MYO18B: variants seen among roughly 807,000 people sequenced by gnomAD.
The protein encoded by MYO18B is myosin XVIIIB, also known as unconventional myosin-XVIIIb.
MYO18B carries 204 observed loss-of-function variants against 273.0 expected under a neutral mutation model. That is an observed-to-expected ratio of 0.75 (90% CI 0.67 to 0.84). MYO18B has a LOEUF of 0.84. Among genes scored for constraint, MYO18B ranks in the 40% least tolerant of loss-of-function variants. The pLI, the probability that MYO18B is intolerant of heterozygous loss-of-function variation, is 0.00. For synonymous variants in MYO18B, 1,330 were observed against 1,305.7 expected, an observed-to-expected ratio of 1.02 and a Z score of -0.40; for missense variants, 3,212 against 3,287.6, an observed-to-expected ratio of 0.98 and a Z score of 0.56.
intron 21 of MYO18B, among the ~76,000 whole-genome samples, chr22:25,856,320 A>G (rs1203858982): frequency 6.6e-6 from 1 of 152,218 alleles, no homozygotes; most frequent in East Asian, 1.9e-4. Context: ...TCATGTTCAC[A>G]CAGGAGTTGA....
the MYO18B span, among the ~76,000 whole-genome samples, chr22:26,061,469 A>G: frequency 3.3e-5 from 5 of 152,018 alleles, no homozygotes; most frequent in Non-Finnish European, 5.9e-5. Flanking sequence ...TGGAGCAGAC[A>G]GCTTCATTAG....
chr22:25,748,596 T>A (rs2085849618), intron 1 of MYO18B, among the ~76,000 whole-genome samples: 1 of 152,216 alleles, frequency 6.6e-6, no homozygotes, highest in Admixed American at 6.5e-5. Context: ...CAGGTTCTGA[T>A]GCTGAGGGGC....
intron 36 of MYO18B, among the ~76,000 whole-genome samples, chr22:25,949,532 G>A (rs188521320): frequency 1.3e-5 from 2 of 152,286 alleles, no homozygotes; most frequent in South Asian, 2.1e-4. Context: ...GAGGAGAGCC[G>A]GGGTAAAATA....
intron 11 of MYO18B, among the ~76,000 whole-genome samples, chr22:25,797,604 T>C (rs1601723979): frequency 6.6e-6 from 1 of 152,292 alleles, no homozygotes; most frequent in African/African-American, 2.4e-5. Flanking sequence ...TATGTCTCTT[T>C]CCAGTTCTAC....
chr22:25,858,124 C>T (rs984825468), intron 21 of MYO18B, among the ~76,000 whole-genome samples: 22 of 152,172 alleles, frequency 1.4e-4, no homozygotes, highest in African/African-American at 5.1e-4. Flanking sequence ...AGTTAGCACC[C>T]TTATGGAATG....
the MYO18B span, among the ~76,000 whole-genome samples, chr22:26,058,120 T>A: frequency 6.6e-6 from 1 of 152,222 alleles, no homozygotes; most frequent in African/African-American, 2.4e-5. Context: ...AATGAATGTC[T>A]GCTTTCAAAA....
At chr22:25,922,245 G>T (rs765474258) in intron 34 of MYO18B, among the ~76,000 whole-genome samples, 1 of 152,174 alleles carries the variant, frequency 6.6e-6, no homozygotes, top group Non-Finnish European at 1.5e-5. Context: ...TCCTTGGGCC[G>T]ACTCAAAGGA....
the MYO18B span, among the ~76,000 whole-genome samples, chr22:26,041,153 CT>C: frequency 6.6e-6 from 1 of 151,356 alleles, no homozygotes; most frequent in Non-Finnish European, 1.5e-5. Flanking sequence ...CTTTTAGAGC[CT>C]TTTTTTTCCT....
At chr22:25,939,161 T>C (rs114273769) in intron 34 of MYO18B, among the ~76,000 whole-genome samples, 1,691 of 152,356 alleles carry the variant, frequency 0.011, 35 homozygotes, top group African/African-American at 0.038. Context: ...ACATCATGTA[T>C]GCATTACCTC....
At chr22:25,773,396 C>T (rs759873750) in intron 7 of MYO18B, among the ~76,000 whole-genome samples, 4 of 152,194 alleles carry the variant, frequency 2.6e-5, no homozygotes, top group Non-Finnish European at 5.9e-5. Context: ...AGGACAGAGC[C>T]GTGTCAGTTC....
At chr22:25,930,903 GCTCT>G (rs1357073002) in intron 34 of MYO18B, among the ~76,000 whole-genome samples, 2 of 152,178 alleles carry the variant, frequency 1.3e-5, no homozygotes, top group African/African-American at 4.8e-5. Context: ...ATAGCCCGAG[GCTCT>G]CTGTTAGTGC....
intron 39 of MYO18B, among the ~76,000 whole-genome samples, chr22:25,977,687 A>AC (rs951685345): frequency 7.9e-5 from 12 of 151,590 alleles, no homozygotes; most frequent in African/African-American, 2.4e-4. Context: ...AACAGAGGAG[A>AC]CCCCCCAGGT....
intron 32 of MYO18B, among the ~76,000 whole-genome samples, chr22:25,909,191 G>A (rs1490199711): frequency 1.3e-5 from 2 of 152,212 alleles, no homozygotes; most frequent in Non-Finnish European, 2.9e-5. Flanking sequence ...GGATTTGAAT[G>A]TAGGATCTTC....
intron 39 of MYO18B, among the ~76,000 whole-genome samples, chr22:25,982,996 G>A (rs1259374018): frequency 6.6e-6 from 1 of 152,130 alleles, no homozygotes; most frequent in African/African-American, 2.4e-5. Context: ...TAAGTGTTCG[G>A]GTAACCTAGT....
At chr22:25,893,120 G>C (rs1038504115) in intron 27 of MYO18B, among the ~76,000 whole-genome samples, 2 of 152,190 alleles carry the variant, frequency 1.3e-5, no homozygotes, top group African/African-American at 4.8e-5. Flanking sequence ...CTAAAATATA[G>C]GAAATTTGAA....
the MYO18B span, among the ~76,000 whole-genome samples, chr22:26,055,045 CA>C: frequency 6.6e-5 from 10 of 152,308 alleles, no homozygotes; most frequent in South Asian, 2.1e-3. Flanking sequence ...TAGATGTTCA[CA>C]CCCCTCAGGC....
At chr22:25,951,426 C>T (rs1018456000) in intron 37 of MYO18B, among the ~76,000 whole-genome samples, 2 of 152,220 alleles carry the variant, frequency 1.3e-5, no homozygotes, top group East Asian at 1.9e-4. Flanking sequence ...CACTCACACT[C>T]ATTTACTCTT....
chr22:25,794,773 G>A (rs1043702931), intron 11 of MYO18B, among the ~76,000 whole-genome samples: 1 of 152,184 alleles, frequency 6.6e-6, no homozygotes, highest in Non-Finnish European at 1.5e-5. Flanking sequence ...CAAAGTGCTG[G>A]GATTACAGGC....
At chr22:25,938,562 C>T (rs895650747) in intron 34 of MYO18B, among the ~76,000 whole-genome samples, 1 of 152,170 alleles carries the variant, frequency 6.6e-6, no homozygotes, top group Non-Finnish European at 1.5e-5. Context: ...TGACTGCTTC[C>T]TTGCAGGGCT....
Sources: gnomAD v4.1 joint callset for allele counts (sites outside exome capture counted in the v4.1 genomes callset) on GRCh38, gnomAD v4.1.1 for gene constraint, MANE v1.5 for transcripts, NCBI Gene and HGNC (gene_info 2026-07-23, HGNC 2026-07-21) for gene names.